The following KIAA1549L variants were observed in gnomAD, a reference collection of about 807,000 sequenced individuals.
KIAA1549L encodes UPF0606 protein KIAA1549L.
In KIAA1549L, 88 loss-of-function variants were observed where a neutral mutation model predicts 160.7. The ratio of observed to expected loss-of-function variants is 0.55; its 90% CI spans 0.46 to 0.65. The LOEUF is 0.65. Ranked by LOEUF, KIAA1549L falls within the 30% of genes least tolerant of loss-of-function variation. The probability of loss-of-function intolerance (pLI) is 0.00; values close to 1 mark genes in which losing one functional copy is unlikely to be tolerated. For missense variants in KIAA1549L, 2,258 were observed against 2,437.5 expected, an observed-to-expected ratio of 0.93 and a Z score of 1.55; for synonymous variants, 950 against 976.7, an observed-to-expected ratio of 0.97 and a Z score of 0.51.
intron 11 of KIAA1549L, among the ~76,000 whole-genome samples, chr11:33,586,107 G>A (rs1232928121): frequency 6.6e-6 from 1 of 152,236 alleles, no homozygotes; most frequent in East Asian, 1.9e-4. Context: ...ACCACCTTGT[G>A]TGTGTGAACA....
chr11:33,517,649 G>T (rs945463961), intron 1 of KIAA1549L, among the ~76,000 whole-genome samples: 4 of 152,074 alleles, frequency 2.6e-5, no homozygotes, highest in African/African-American at 7.2e-5. Context: ...GTTAATAAAA[G>T]CGAGGACATA....
intron 1 of KIAA1549L, among the ~76,000 whole-genome samples, chr11:33,534,142 G>T (rs954543256): frequency 6.6e-6 from 1 of 152,038 alleles, no homozygotes; most frequent in South Asian, 2.1e-4. Context: ...GAGTGCAGTG[G>T]TGTGATCTTG....
chr11:33,462,358 C>T (rs1851958227), intron 1 of KIAA1549L, among the ~76,000 whole-genome samples: 1 of 152,146 alleles, frequency 6.6e-6, no homozygotes, highest in African/African-American at 2.4e-5. Context: ...TATATATTAA[C>T]CTTCTAAATG....
intron 1 of KIAA1549L, among the ~76,000 whole-genome samples, chr11:33,515,260 A>G (rs1480756844): frequency 6.6e-6 from 1 of 152,140 alleles, no homozygotes; most frequent in Non-Finnish European, 1.5e-5. Flanking sequence ...TTCCCCCTAC[A>G]GCTCCTGGAC....
At chr11:33,421,641 G>A (rs1466374522) in intron 1 of KIAA1549L, among the ~76,000 whole-genome samples, 1 of 152,226 alleles carries the variant, frequency 6.6e-6, no homozygotes, top group Non-Finnish European at 1.5e-5. Context: ...AGATGAATAA[G>A]TAATCCAAAT....
chr11:33,460,103 A>G (rs1417680675), intron 1 of KIAA1549L, among the ~76,000 whole-genome samples: 1 of 152,134 alleles, frequency 6.6e-6, no homozygotes, highest in African/African-American at 2.4e-5. Context: ...TTTCAAAGAA[A>G]GTGATTAAAA....
At chr11:33,606,979 G>T (rs1850524086) in intron 14 of KIAA1549L, among the ~76,000 whole-genome samples, 157 bp downstream of exon 14, 1 of 152,192 alleles carries the variant, frequency 6.6e-6, no homozygotes, top group East Asian at 1.9e-4. Context: ...GAATGAATCA[G>T]GACACAAGTC....
chr11:33,630,986 AG>A (rs1851271130), intron 16 of KIAA1549L, among the ~76,000 whole-genome samples: 1 of 152,096 alleles, frequency 6.6e-6, no homozygotes, highest in Non-Finnish European at 1.5e-5. Context: ...AGTGGAGGAG[AG>A]AGGTGGAGGC....
At chr11:33,622,017 G>T (rs993910197) in intron 16 of KIAA1549L, among the ~76,000 whole-genome samples, 1 of 152,182 alleles carries the variant, frequency 6.6e-6, no homozygotes, top group African/African-American at 2.4e-5. Flanking sequence ...TGCACTGGAG[G>T]TAGTTGCCAG....
chr11:33,530,927 TG>T, intron 1 of KIAA1549L, among the ~76,000 whole-genome samples: 1 of 152,320 alleles, frequency 6.6e-6, no homozygotes, highest in South Asian at 2.1e-4. Context: ...AAGTTGGATG[TG>T]CATTGTGATC....
intron 13 of KIAA1549L, among the ~76,000 whole-genome samples, chr11:33,599,849 G>T (rs988990099): frequency 3.3e-5 from 5 of 152,192 alleles, no homozygotes; most frequent in Non-Finnish European, 7.3e-5. Flanking sequence ...TGGGTTGTAG[G>T]TGGAGCCCTA....
intron 1 of KIAA1549L, among the ~76,000 whole-genome samples, chr11:33,398,015 C>T (rs1457643798): frequency 6.7e-6 from 1 of 150,054 alleles, no homozygotes; most frequent in African/African-American, 2.5e-5. Flanking sequence ...CCTCACCTCC[C>T]GGGTTCAAGA....
chr11:33,628,775 G>T (rs1851190549), intron 16 of KIAA1549L, among the ~76,000 whole-genome samples: 1 of 151,090 alleles, frequency 6.6e-6, no homozygotes, highest in Non-Finnish European at 1.5e-5. Context: ...GGAGCATTTA[G>T]TCCATTTACA....
intron 1 of KIAA1549L, among the ~76,000 whole-genome samples, chr11:33,437,708 C>A (rs1054322054): frequency 7.9e-5 from 12 of 152,304 alleles, no homozygotes; most frequent in African/African-American, 2.6e-4. Context: ...GCCTGCACTG[C>A]ATGTTCTAAA....
At chr11:33,450,169 C>A (rs1851690408) in intron 1 of KIAA1549L, among the ~76,000 whole-genome samples, 1 of 152,088 alleles carries the variant, frequency 6.6e-6, no homozygotes, top group African/African-American at 2.4e-5. Flanking sequence ...TGAAGATGAT[C>A]AAGGGCAAAT....
rs1247172378 is a variant in KIAA1549L at position 33,591,355 on chromosome 11, A to G, written c.4685A>G (p.Gln1562Arg). The G allele has an allele frequency of 6.2e-6, 10 of 1,613,592 alleles. No individual in the cohort carries two copies. The highest frequency in any genetic ancestry group is 4.4e-5 in the South Asian group (4 of 91,068). ...CCACTGCCCATTAGAGATGCTCCTC[A>G]GGAAAGAGACGTCGCTCAGGATGGA... is the stretch of plus-strand genomic sequence containing the variant. ...VLPLPIRDAPQERDVAQDGST... is the reference protein window; with the variant it reads ...VLPLPIRDAPRERDVAQDGST... Residue 1562 changes from glutamine (Q) to arginine (R), a missense_variant, in exon 12 of 21, where the codon CAG (glutamine) becomes CGG (arginine). Gln to Arg is a conservative substitution (Grantham distance 43). Around this residue, in one of 6 missense-constraint regions of KIAA1549L, gnomAD observed 1,359 missense variants for 1,546.6 expected, o/e 0.88. Coordinates refer to ENST00000658780, the MANE Select transcript of KIAA1549L (RefSeq NM_012194.3).
intron 16 of KIAA1549L, 39 bp downstream of exon 16, chr11:33,618,701 T>TG: frequency 6.6e-7 from 1 of 1,511,328 alleles, no homozygotes; most frequent in South Asian, 1.3e-5. Flanking sequence ...AAGCTTTCCT[T>TG]TCCCCTGAAG....
intron 9 of KIAA1549L, among the ~76,000 whole-genome samples, chr11:33,572,605 C>T (rs905119752): frequency 6.6e-6 from 1 of 152,140 alleles, no homozygotes; most frequent in Non-Finnish European, 1.5e-5. Flanking sequence ...ATTGTTTTGA[C>T]ATTCATCCAT....
intron 1 of KIAA1549L, among the ~76,000 whole-genome samples, chr11:33,504,873 C>A (rs1853043973): frequency 6.6e-6 from 1 of 152,190 alleles, no homozygotes; most frequent in Non-Finnish European, 1.5e-5. Context: ...CTCAAGCAAT[C>A]TTCCTGCCTC....
Sources: gnomAD v4.1 joint callset for allele counts (sites outside exome capture counted in the v4.1 genomes callset) on GRCh38, gnomAD v4.1.1 for gene constraint, gnomAD v4.1.1 regional missense constraint, MANE v1.5 for transcripts, NCBI Gene and HGNC (gene_info 2026-07-23, HGNC 2026-07-21) for gene names.